The following LAMA2 variants were observed in gnomAD, a reference collection of about 807,000 sequenced individuals.
The protein encoded by LAMA2 is laminin subunit alpha 2.
A neutral mutation model predicts 364.8 loss-of-function variants in LAMA2; 269 were observed. That is an observed-to-expected ratio of 0.74 (90% CI 0.67 to 0.82). The LOEUF (loss-of-function observed/expected upper bound fraction) is 0.82. LAMA2 is among the 40% of genes least tolerant of loss of function. The probability of loss-of-function intolerance (pLI) is 0.00; values close to 1 mark genes in which losing one functional copy is unlikely to be tolerated. For synonymous variants in LAMA2, 1,379 were observed against 1,370.6 expected, an observed-to-expected ratio of 1.01 and a Z score of -0.14; for missense variants, 3,807 against 3,873.2, an observed-to-expected ratio of 0.98 and a Z score of 0.45.
rs58190979 is a variant in LAMA2 at position 129,112,295 on chromosome 6, G to A, written c.639+13880G>A. 2.8e-3 allele frequency among the ~76,000 whole-genome samples: 430 copies of A among 151,544 alleles called. 14 individuals carry two copies. In the East Asian group the frequency reaches 0.069, roughly 24 times the overall value. The stretch of plus-strand genomic sequence containing the variant: ...CTCCACATTAGTTTGTTATTTCAGT[G>A]GTTATTTCAGTTAAAGACATTTTTC... On this transcript the variant is annotated intron_variant, in intron 4 of 64. Transcript: ENST00000421865.
chr6:129,047,200 AT>A (rs1461511176), intron 1 of LAMA2, among the ~76,000 whole-genome samples: 1 of 152,168 alleles, frequency 6.6e-6, no homozygotes, highest in African/African-American at 2.4e-5. Context: ...ATAAAAAAAA[AT>A]AAGGTAAAAA....
intron 3 of LAMA2, among the ~76,000 whole-genome samples, chr6:129,080,776 T>C (rs1423145220): frequency 2.6e-5 from 4 of 152,168 alleles, no homozygotes; most frequent in Non-Finnish European, 5.9e-5. Flanking sequence ...GAAATAGGAA[T>C]GCTTTTACAC....
intron 3 of LAMA2, among the ~76,000 whole-genome samples, chr6:129,072,634 C>T (rs1275668702): frequency 6.6e-6 from 1 of 151,864 alleles, no homozygotes; most frequent in Non-Finnish European, 1.5e-5. Flanking sequence ...ATTTTTCTTC[C>T]TCATAACTTT....
intron 1 of LAMA2, among the ~76,000 whole-genome samples, chr6:128,928,558 G>A (rs1206869444): frequency 7.2e-5 from 11 of 152,216 alleles, no homozygotes; most frequent in Admixed American, 2.6e-4. Flanking sequence ...GCCGTTCAAG[G>A]AGAGGGAAGG....
At chr6:129,201,673 T>G (rs1359231402) in intron 12 of LAMA2, among the ~76,000 whole-genome samples, 2 of 152,250 alleles carry the variant, frequency 1.3e-5, no homozygotes, top group East Asian at 3.9e-4. Flanking sequence ...CAATACTATT[T>G]AATTACAACA....
Position 129,252,176 on chromosome 6 carries a change from A to G in LAMA2, c.1977A>G (p.Ser659=), listed in dbSNP as rs1417145868. The G allele has an allele frequency of 6.2e-7, 1 of 1,613,664 alleles. No individual in the cohort carries two copies. The change falls in exon 14 of 65, where the codon TCA becomes TCG. Residue 659 remains serine (S), a synonymous_variant. Transcript: ENST00000421865. ...ATGTATTGTTACTTAAAGAAGAATC[A>G]TTTACCATACATGGCACACATTTTC... is the stretch of plus-strand genomic sequence containing the variant. ...HTNVLLLKEE[S]FTIHGTHFPV...
chr6:129,248,852 G>A lies in LAMA2; in HGVS notation c.1783-1260G>A, dbSNP rs187238908. 2.6e-5 allele frequency among the ~76,000 whole-genome samples: 4 copies of A among 152,204 alleles called. No individual in the cohort carries two copies. In the East Asian group the frequency reaches 7.7e-4, roughly 29 times the overall value. ...AATAGAACCTAAAATCTTCCACATA[G>A]GTTCACCCCTCATTACTCACAATAA... On this transcript the variant is annotated intron_variant, in intron 12 of 64. Transcript: ENST00000421865.
intron 29 of LAMA2, among the ~76,000 whole-genome samples, chr6:129,333,436 T>G (rs193014871): frequency 6.6e-6 from 1 of 152,298 alleles, no homozygotes; most frequent in Admixed American, 6.5e-5. Context: ...CTTAAAGATA[T>G]CCTCTTTCAA....
chr6:129,190,206 A>C lies in LAMA2; in HGVS notation c.1469A>C (p.Glu490Ala), dbSNP rs2115033394. ...DPCFGPCICK[E>A]NVEGGDCSRC... ...GCTGATACATCTCTTTATTTGCAGG[A>C]AAATGTTGAAGGAGGAGACTGTAGT... The change falls in exon 11 of 65, where the codon GAA (glutamate) becomes GCA (alanine). Residue 490 changes from glutamate (E) to alanine (A), a missense_variant and splice_region_variant. Physicochemically the swap from Glu to Ala is moderately radical, Grantham distance 107. Around this residue, in one of 3 missense-constraint regions of LAMA2, gnomAD observed 3,333 missense variants for 3,345.7 expected, o/e 1.00. Coordinates refer to ENST00000421865, the MANE Select transcript of LAMA2 (RefSeq NM_000426.4). 6.2e-7 allele frequency: 1 copy of C among 1,612,948 alleles called. No individual in the cohort carries two copies. The highest frequency in any genetic ancestry group is 1.1e-5 in the South Asian group (1 of 91,054).
At position 129,502,735 on chromosome 6, in the gene LAMA2, T is replaced by A; in HGVS notation, c.8321T>A (p.Ile2774Asn). 6.2e-7 allele frequency: 1 copy of A among 1,613,822 alleles called. No individual in the cohort carries two copies. Among genetic ancestry groups the A allele is most frequent in the Non-Finnish European group, 8.5e-7 (1 of 1,179,720 alleles). Reference sequence around the variant, plus strand: ...TTCGGGCTTTCAAGAAACAGTCACATTGCAATTGCATTTGATGACACCAAA... The same window carrying A: ...TTCGGGCTTTCAAGAAACAGTCACAATGCAATTGCATTTGATGACACCAAA... ...KQFGLSRNSHIAIAFDDTKVK... is the reference protein window; with the variant it reads ...KQFGLSRNSHNAIAFDDTKVK... The change falls in exon 59 of 65, where the codon ATT becomes AAT. Residue 2774 changes from isoleucine (I) to asparagine (N), a missense_variant. By Grantham distance (149) the Ile-to-Asn change is moderately radical. This residue lies in a region of LAMA2 where 3,333 missense variants were observed against 3,345.7 expected (regional missense o/e 1.00). Transcript: ENST00000421865.
chr6:128,996,703 T>G (rs1783964109), intron 1 of LAMA2, among the ~76,000 whole-genome samples: 2 of 152,238 alleles, frequency 1.3e-5, no homozygotes, highest in South Asian at 4.1e-4. Flanking sequence ...TCAGACATTC[T>G]GGAAGACAGT....
chr6:129,512,554 C>T (rs1786682746), intron 63 of LAMA2, 61 bp downstream of exon 63: 8 of 1,571,840 alleles, frequency 5.1e-6, no homozygotes, highest in East Asian at 4.5e-5. Context: ...GTGTAGATAT[C>T]ATCCATGTGT....
chr6:128,954,365 T>C (rs1781014878), intron 1 of LAMA2, among the ~76,000 whole-genome samples: 1 of 152,068 alleles, frequency 6.6e-6, no homozygotes, highest in South Asian at 2.1e-4. Context: ...GGTATGAATA[T>C]TTAAATTAGA....
chr6:128,944,197 A>C (rs147718280), intron 1 of LAMA2, among the ~76,000 whole-genome samples: 26 of 152,318 alleles, frequency 1.7e-4, no homozygotes, highest in African/African-American at 6.0e-4. Context: ...CTGAGCACAC[A>C]TCACAAAGGA....
intron 41 of LAMA2, among the ~76,000 whole-genome samples, chr6:129,432,629 G>A (rs1781653922): frequency 6.6e-6 from 1 of 152,090 alleles, no homozygotes; most frequent in Non-Finnish European, 1.5e-5. Flanking sequence ...TAACATAAAG[G>A]GATGGTGGGG....
At chr6:129,312,150 T>C (rs1372608841) in intron 22 of LAMA2, among the ~76,000 whole-genome samples, 1 of 98,976 alleles carries the variant, frequency 1.0e-5, no homozygotes. Flanking sequence ...AGTAAGTTGA[T>C]GGAAAAAAAA....
In LAMA2 at chr6:129,503,027, G is replaced by A. The variant is rs142142894; in HGVS notation, c.8358-64G>A. ...GAAAATGCAGCCACGATCTGATACC[G>A]CTCTATTTTAGCATGAGAATGCTGT... On this transcript the variant is annotated intron_variant, in intron 59 of 64. Transcript: ENST00000421865. The A allele has an allele frequency of 2.1e-3, 3,045 of 1,425,736 alleles. 91 individuals are homozygous for A. In the Admixed American group the frequency reaches 0.048, roughly 23 times the overall value. The allele number at this position is 1,425,736 out of a possible 1,614,324, so 88.3% of individuals were successfully genotyped here.
chr6:129,312,044 A>G (rs949272270), intron 22 of LAMA2, among the ~76,000 whole-genome samples: 2 of 144,544 alleles, frequency 1.4e-5, no homozygotes, highest in African/African-American at 5.8e-5. Flanking sequence ...AAAATTGATT[A>G]ATTAGAACAG....
intron 1 of LAMA2, among the ~76,000 whole-genome samples, chr6:128,927,301 C>A (rs1779160097): frequency 1.3e-5 from 2 of 152,100 alleles, no homozygotes; most frequent in South Asian, 4.1e-4. Context: ...CATGAGATGT[C>A]TTAAATACTT....
Sources: allele counts gnomAD v4.1 joint callset (sites outside exome capture counted in the v4.1 genomes callset), GRCh38; gene constraint gnomAD v4.1.1; regional missense constraint gnomAD v4.1.1; transcripts MANE v1.5; gene names NCBI Gene and HGNC (gene_info 2026-07-23, HGNC 2026-07-21).